TSHZ2: variants seen among roughly 807,000 people sequenced by gnomAD.
The protein encoded by TSHZ2 is teashirt homolog 2.
A neutral mutation model predicts 74.4 loss-of-function variants in TSHZ2; 21 were observed. The observed-to-expected ratio is 0.28, with a 90% CI of 0.20 to 0.41. TSHZ2 has a LOEUF of 0.41. Among genes scored for constraint, TSHZ2 ranks in the 10% least tolerant of loss-of-function variants. The pLI is 1.00. For missense variants in TSHZ2, 1,244 were observed against 1,293.5 expected (o/e 0.96, Z 0.59); for synonymous variants, 540 against 515.3 (o/e 1.05, Z -0.65).
chr20:53,455,087 G>T (rs1370998315), intron 2 of TSHZ2, among the ~76,000 whole-genome samples: 2 of 151,886 alleles, frequency 1.3e-5, no homozygotes, highest in African/African-American at 4.8e-5. Context: ...CTCCTGAGCT[G>T]CAGCACCTGA....
intron 1 of TSHZ2, among the ~76,000 whole-genome samples, chr20:53,133,234 C>T (rs1201902009): frequency 6.6e-6 from 1 of 152,178 alleles, no homozygotes; most frequent in Non-Finnish European, 1.5e-5. Context: ...TACATGATCC[C>T]CATTTGTGTC....
Position 53,235,704 on chromosome 20 carries a change from A to G in TSHZ2, c.41-17795A>G, listed in dbSNP as rs565787306. Among the ~76,000 whole-genome samples, 3 of 152,306 alleles carry G rather than the reference A, an allele frequency of 2.0e-5. No homozygotes were observed. The East Asian group carries it at 5.8e-4, about 29-fold the overall frequency. ...ATGAGAGAGATTTTATGAGATGCAA[A>G]TTCTGTCGCCTGGAAGCTATTTAGA... On this transcript the variant is annotated intron_variant, in intron 1 of 2. Transcript: ENST00000371497.
At chr20:53,414,931 G>T (rs1983183123) in intron 2 of TSHZ2, among the ~76,000 whole-genome samples, 1 of 152,086 alleles carries the variant, frequency 6.6e-6, no homozygotes, top group Non-Finnish European at 1.5e-5. Flanking sequence ...AGATGGACAA[G>T]AACAGCTTCT....
chr20:53,213,856 C>A (rs1466318592), intron 1 of TSHZ2, among the ~76,000 whole-genome samples: 1 of 152,168 alleles, frequency 6.6e-6, no homozygotes, highest in African/African-American at 2.4e-5. Context: ...TGCCTCCTGA[C>A]AATAAGTCCA....
In TSHZ2 at chr20:53,255,523, C is replaced by A; in HGVS notation, c.2065C>A (p.Leu689Met). Residue 689 changes from leucine (L) to methionine (M), a missense_variant, in exon 2 of 3, where the codon CTG becomes ATG. By Grantham distance (15) the Leu-to-Met change is conservative. Coordinates refer to ENST00000371497, the MANE Select transcript of TSHZ2 (RefSeq NM_173485.6). The surrounding 1 kb of genome is among the most constrained non-coding windows in gnomAD (Gnocchi z 4.1). ...CGCCCTCGCCAACCACGCCCCGGCC[C>A]TGCCATGCATCAACCCACTCAGCGC... ...GCALANHAPA[L>M]PCINPLSALQ... 6.3e-7 allele frequency: 1 copy of A among 1,588,272 alleles called. No homozygotes were observed.
At chr20:53,122,974 G>T (rs1986852987) in intron 1 of TSHZ2, among the ~76,000 whole-genome samples, 1 of 152,154 alleles carries the variant, frequency 6.6e-6, no homozygotes, top group South Asian at 2.1e-4. Context: ...GAGGTACTGG[G>T]TATTTCCGCT....
intron 1 of TSHZ2, among the ~76,000 whole-genome samples, chr20:53,144,095 C>T (rs1350734652): frequency 6.6e-6 from 1 of 152,148 alleles, no homozygotes. Context: ...TGGGTGGTAC[C>T]AGCTGATCCA....
intron 2 of TSHZ2, among the ~76,000 whole-genome samples, chr20:53,463,526 T>G (rs551888784): frequency 1.3e-5 from 2 of 152,050 alleles, no homozygotes; most frequent in African/African-American, 4.8e-5. Flanking sequence ...CGTAGAATTA[T>G]AGAAGTTATG....
chr20:53,188,933 A>G (rs1988666743), intron 1 of TSHZ2, among the ~76,000 whole-genome samples: 1 of 152,214 alleles, frequency 6.6e-6, no homozygotes, highest in Non-Finnish European at 1.5e-5. Context: ...CTATGAGGAA[A>G]TATGATTATC....
intron 2 of TSHZ2, among the ~76,000 whole-genome samples, chr20:53,451,822 A>C (rs1984795740): frequency 1.3e-5 from 2 of 152,242 alleles, no homozygotes; most frequent in Non-Finnish European, 2.9e-5. Context: ...GGATCCTTCC[A>C]ATTTTGATCA....
intron 1 of TSHZ2, among the ~76,000 whole-genome samples, chr20:53,145,334 T>C (rs1987513514): frequency 6.6e-6 from 1 of 152,318 alleles, no homozygotes; most frequent in Admixed American, 6.5e-5. Context: ...ACCCACTCTC[T>C]TTTCCTGCAC....
intron 1 of TSHZ2, among the ~76,000 whole-genome samples, chr20:53,182,264 CCTT>C (rs1988498610): frequency 6.6e-6 from 1 of 151,856 alleles, no homozygotes; most frequent in African/African-American, 2.4e-5. Context: ...TTTTTTCTCT[CCTT>C]CTTCCCTCCC....
intron 1 of TSHZ2, among the ~76,000 whole-genome samples, chr20:53,149,263 C>T (rs567366368): frequency 2.0e-5 from 3 of 151,572 alleles, no homozygotes; most frequent in Admixed American, 6.6e-5. Context: ...TTGTCTGTGA[C>T]AGAATGACAG....
chr20:53,347,791 CTCT>C (rs1228775832), intron 2 of TSHZ2, among the ~76,000 whole-genome samples: 18 of 152,180 alleles, frequency 1.2e-4, no homozygotes, highest in Non-Finnish European at 1.5e-5. Flanking sequence ...CCTCCTGATG[CTCT>C]TTTTTTACTT....
chr20:53,305,989 A>AT (rs548491823), intron 2 of TSHZ2, among the ~76,000 whole-genome samples: 3 of 151,748 alleles, frequency 2.0e-5, no homozygotes, highest in Admixed American at 6.6e-5. Context: ...AAAAAAAAAA[A>AT]AATACGTTTG....
chr20:53,225,540 C>T (rs781040341), intron 1 of TSHZ2, among the ~76,000 whole-genome samples: 30 of 152,232 alleles, frequency 2.0e-4, no homozygotes, highest in Non-Finnish European at 3.4e-4. Context: ...ATGCAGGCTT[C>T]GCATTGATTT....
intron 2 of TSHZ2, among the ~76,000 whole-genome samples, chr20:53,429,821 T>TTGTGTGTGTGTGTGTGTGTGTG (rs145356694): frequency 2.0e-3 from 308 of 151,620 alleles, no homozygotes; most frequent in African/African-American, 6.9e-3. Flanking sequence ...GCATATTCAA[T>TTGTGTGTGTGTGTGTGTGTGTG]TGTGTGTGTG....
intron 1 of TSHZ2, among the ~76,000 whole-genome samples, chr20:53,168,319 A>G (rs760112170): frequency 3.9e-5 from 6 of 152,168 alleles, no homozygotes; most frequent in African/African-American, 1.2e-4. Context: ...ACATTGTTCT[A>G]TGTCCCCTAG....
At chr20:53,244,681 C>G (rs1462111528) in intron 1 of TSHZ2, among the ~76,000 whole-genome samples, 1 of 152,202 alleles carries the variant, frequency 6.6e-6, no homozygotes, top group African/African-American at 2.4e-5. Context: ...TGTCACCTCT[C>G]TCAGTGCAAA....
Sources: gnomAD v4.1 joint callset for allele counts (sites outside exome capture counted in the v4.1 genomes callset) on GRCh38, gnomAD v4.1.1 for gene constraint, Gnocchi (gnomAD v3.1) non-coding constraint, MANE v1.5 for transcripts, NCBI Gene and HGNC (gene_info 2026-07-23, HGNC 2026-07-21) for gene names.